Variants in IL1RL1 observed in about 807,000 individuals in gnomAD.
The protein encoded by IL1RL1 is interleukin 1 receptor like 1.
IL1RL1 carries 32 observed loss-of-function variants against 50.9 expected under a neutral mutation model. The ratio of observed to expected loss-of-function variants is 0.63; its 90% CI spans 0.47 to 0.84. IL1RL1 has a LOEUF of 0.84. Among genes scored for constraint, IL1RL1 ranks in the 40% least tolerant of loss-of-function variants. The pLI, the probability that IL1RL1 is intolerant of heterozygous loss-of-function variation, is 0.00. For synonymous variants in IL1RL1, 275 were observed against 236.0 expected (o/e 1.17, Z -1.51); for missense variants, 773 against 662.9 (o/e 1.17, Z -1.82).
intron 1 of IL1RL1, among the ~76,000 whole-genome samples, chr2:102,322,558 A>T (rs539125998): frequency 2.4e-3 from 358 of 152,324 alleles, no homozygotes; most frequent in Non-Finnish European, 4.1e-3. Flanking sequence ...CAGATCCCAG[A>T]AATGAATCTG....
In IL1RL1 at chr2:102,342,265, C is replaced by T. The variant is rs753297060; in HGVS notation, c.653C>T (p.Ala218Val). The change falls in exon 6 of 11, where the codon GCA becomes GTA. Residue 218 changes from alanine (A) to valine (V), a missense_variant. Transcript: ENST00000233954. ...CTGTTTCCAGTAATCGGAGCCCCTG[C>T]ACAAAATGAAATAAAGGAAGTGGAA... ...FSLFPVIGAPAQNEIKEVEIG... is the reference protein window; with the variant it reads ...FSLFPVIGAPVQNEIKEVEIG... 30 of 1,611,404 alleles carry T rather than the reference C, an allele frequency of 1.9e-5. No homozygotes were observed. Among genetic ancestry groups the T allele is most frequent in the Non-Finnish European group, 2.2e-5 (26 of 1,177,928 alleles).
At chr2:102,340,325 A>C (rs1677502961) in intron 4 of IL1RL1, 53 bp downstream of exon 4, 1 of 1,465,114 alleles carries the variant, frequency 6.8e-7, no homozygotes, top group Non-Finnish European at 9.3e-7. Flanking sequence ...TAAAATAGAC[A>C]CAAGTGGCCG....
chr2:102,344,971 T>C (rs1297281258), intron 8 of IL1RL1: 1 of 948,314 alleles, frequency 1.1e-6, no homozygotes, highest in Non-Finnish European at 1.3e-6. Flanking sequence ...ATTGGGTTAA[T>C]TTCAGACACT....
At chr2:102,317,945 A>T (rs1235968874) in intron 1 of IL1RL1, among the ~76,000 whole-genome samples, 2 of 152,140 alleles carry the variant, frequency 1.3e-5, no homozygotes, top group Non-Finnish European at 2.9e-5. Flanking sequence ...CAACACCCTG[A>T]GGTGGGAGCA....
Position 102,338,286 on chromosome 2 carries a change from A to G in IL1RL1, c.22A>G (p.Ile8Val). Reference protein sequence around the residue: MGFWILAILTILMYSTAA... With the variant: MGFWILAVLTILMYSTAA... ...CAGAATGGGGTTTTGGATCTTAGCA[A>G]TTCTCACAATTCTCATGTATTCCAC... The change falls in exon 2 of 11, where the codon ATT (isoleucine) becomes GTT (valine). Residue 8 changes from isoleucine to valine, a missense_variant. By Grantham distance (29) the Ile-to-Val change is conservative. Transcript: ENST00000233954. The G allele has an allele frequency of 1.2e-6, 2 of 1,606,186 alleles. No homozygotes were observed. Among genetic ancestry groups the G allele is most frequent in the South Asian group, 2.2e-5 (2 of 90,376 alleles).
At chr2:102,347,922 A>C in intron 8 of IL1RL1, 23 bp from the exon 9 acceptor site, 1 of 1,378,120 alleles carries the variant, frequency 7.3e-7, no homozygotes, top group Non-Finnish European at 1.0e-6. Context: ...AGTAATAATA[A>C]TCTTTTTCTT....
At chr2:102,330,578 T>C (rs1022637585) in intron 1 of IL1RL1, among the ~76,000 whole-genome samples, 20 of 152,264 alleles carry the variant, frequency 1.3e-4, no homozygotes, top group Non-Finnish European at 7.3e-5. Flanking sequence ...CCTGTGCTTA[T>C]TGAACATTGA....
chr2:102,314,823 G>A (rs537132532), intron 1 of IL1RL1, among the ~76,000 whole-genome samples: 1 of 152,158 alleles, frequency 6.6e-6, no homozygotes, highest in Non-Finnish European at 1.5e-5. Context: ...AGAAACAAAG[G>A]CTTGCTGGAT....
At chr2:102,330,677 G>A (rs1179094832) in intron 1 of IL1RL1, among the ~76,000 whole-genome samples, 1 of 152,130 alleles carries the variant, frequency 6.6e-6, no homozygotes, top group Non-Finnish European at 1.5e-5. Context: ...ACTTGTAAGA[G>A]TTATTTATGA....
At chr2:102,345,808 C>T in intron 8 of IL1RL1, 1 of 985,424 alleles carries the variant, frequency 1.0e-6, no homozygotes. Context: ...GCTGTGGACC[C>T]CATCAAGGTG....
chr2:102,341,467 G>T, intron 5 of IL1RL1: 1 of 486,610 alleles, frequency 2.1e-6, no homozygotes. Flanking sequence ...CAAAGGATTG[G>T]GGTCTCCTTA....
Position 102,347,968 on chromosome 2 carries a change from A to G in IL1RL1, c.994A>G (p.Ile332Val), listed in dbSNP as rs1323187449. The G allele has an allele frequency of 2.6e-6, 4 of 1,543,254 alleles. No homozygotes were observed. In the African/African-American group the frequency reaches 4.1e-5, roughly 16 times the overall value. Residue 332 changes from isoleucine (I) to valine (V), a missense_variant, in exon 9 of 11, where the codon ATA becomes GTA. Transcript: ENST00000233954. ...AGTTGATCATCATAGCATCTACTGC[A>G]TAATTGCAGTATGTAGTGTATTTTT... is the stretch of plus-strand genomic sequence containing the variant. ...NPIDHHSIYC[I>V]IAVCSVFLML...
At chr2:102,317,150 C>A (rs1573127485) in intron 1 of IL1RL1, among the ~76,000 whole-genome samples, 1 of 152,056 alleles carries the variant, frequency 6.6e-6, no homozygotes, top group African/African-American at 2.4e-5. Flanking sequence ...GTCAGGAGAT[C>A]GAGACCATCC....
intron 1 of IL1RL1, among the ~76,000 whole-genome samples, chr2:102,327,460 C>G (rs536569914): frequency 1.8e-4 from 28 of 151,954 alleles, no homozygotes; most frequent in African/African-American, 6.5e-4. Flanking sequence ...GAAGCAAGAG[C>G]AAACACATTC....
chr2:102,323,273 AGTGTGTGT>A (rs55689851), intron 1 of IL1RL1, among the ~76,000 whole-genome samples: 3 of 48,500 alleles, frequency 6.2e-5, no homozygotes, highest in Admixed American at 1.7e-4. Flanking sequence ...ATATATATAT[AGTGTGTGT>A]GTGTGTGTGT....
intron 10 of IL1RL1, among the ~76,000 whole-genome samples, chr2:102,351,261 A>G (rs1677922112): frequency 6.6e-6 from 1 of 152,236 alleles, no homozygotes; most frequent in African/African-American, 2.4e-5. Flanking sequence ...AAATATCTTT[A>G]CATTCCCATT....
At chr2:102,341,222 C>T (rs1460548874) in intron 5 of IL1RL1, 2 of 1,171,116 alleles carry the variant, frequency 1.7e-6, no homozygotes, top group Non-Finnish European at 2.1e-6. Context: ...TAAAAAAGAG[C>T]TTAATCTTTA....
At chr2:102,312,112 A>T (rs1393150779) in intron 1 of IL1RL1, among the ~76,000 whole-genome samples, 2 of 107,118 alleles carry the variant, frequency 1.9e-5, no homozygotes, top group African/African-American at 3.6e-5. Context: ...TATAATATAT[A>T]TAATATTATA....
At chr2:102,342,190 C>T in intron 5 of IL1RL1, 33 bp from the exon 6 acceptor site, 1 of 1,440,054 alleles carries the variant, frequency 6.9e-7, no homozygotes, top group Non-Finnish European at 9.8e-7. Flanking sequence ...ATTCAATGCT[C>T]TCCTAATATT....
Sources: allele counts gnomAD v4.1 joint callset (sites outside exome capture counted in the v4.1 genomes callset), GRCh38; gene constraint gnomAD v4.1.1; transcripts MANE v1.5; gene names NCBI Gene and HGNC (gene_info 2026-07-23, HGNC 2026-07-21).